The following CELF2 variants were observed in gnomAD, a reference collection of about 807,000 sequenced individuals.
CELF2 encodes the protein CUG triplet repeat RNA-binding protein 2.
A neutral mutation model predicts 62.6 loss-of-function variants in CELF2; 8 were observed. That is an observed-to-expected ratio of 0.13 (90% CI 0.07 to 0.23). The LOEUF (loss-of-function observed/expected upper bound fraction) is 0.23. CELF2 is among the 10% of genes least tolerant of loss of function. The pLI is 1.00. For missense variants in CELF2, 333 were observed against 671.0 expected (o/e 0.50, Z 5.56); for synonymous variants, 258 against 250.0 (o/e 1.03, Z -0.30).
the CELF2 span, among the ~76,000 whole-genome samples, chr10:10,527,847 A>G: frequency 1.3e-5 from 2 of 152,252 alleles, no homozygotes; most frequent in African/African-American, 4.8e-5. Context: ...TGCAATCCTA[A>G]GAGACTGACA....
intron 1 of CELF2, among the ~76,000 whole-genome samples, chr10:10,853,637 A>G (rs2059528006): frequency 6.6e-6 from 1 of 151,668 alleles, no homozygotes; most frequent in African/African-American, 2.4e-5. Context: ...TAAAAGTCCA[A>G]TAGAAAAAAA....
chr10:10,881,885 A>G (rs1305706744), intron 1 of CELF2, among the ~76,000 whole-genome samples: 1 of 152,192 alleles, frequency 6.6e-6, no homozygotes, highest in Non-Finnish European at 1.5e-5. Flanking sequence ...CATCTTCAAT[A>G]TGTTCCATCT....
At chr10:10,656,934 A>T in the CELF2 span, among the ~76,000 whole-genome samples, 65,072 of 149,192 alleles carry the variant, frequency 0.44, 14,644 homozygotes, top group South Asian at 0.71. Flanking sequence ...AAAAAAAAAA[A>T]GAAAACGTGT....
chr10:11,270,590 C>T lies in CELF2; in HGVS notation c.619-76C>T, dbSNP rs1013410427. 6.2e-6 allele frequency: 8 copies of T among 1,283,222 alleles called. No homozygotes were observed. In the Admixed American group the frequency reaches 1.8e-4, roughly 28 times the overall value. 79.5% of individuals were successfully genotyped at this position (1,283,222 alleles called of 1,614,324 possible). On this transcript the variant is annotated intron_variant, in intron 6 of 12. Coordinates refer to ENST00000633077, the MANE Select transcript of CELF2 (RefSeq NM_001326342.2). This position sits in a 1 kb window ranked among gnomAD's most constrained non-coding sequence, Gnocchi z 5.8. ...GCTCCAGGCTAGTGCAGAAAGGTAG[C>T]TCCGGTGCTGAGTGTCGTGAGCGGA...
chr10:11,272,384 C>T (rs2084146859), intron 7 of CELF2, among the ~76,000 whole-genome samples: 1 of 152,228 alleles, frequency 6.6e-6, no homozygotes, highest in Admixed American at 6.5e-5. Context: ...TGTTCAGATG[C>T]TCACAGTCGA....
intron 1 of CELF2, among the ~76,000 whole-genome samples, chr10:10,887,621 T>C (rs1407470226): frequency 6.6e-6 from 1 of 152,224 alleles, no homozygotes; most frequent in Non-Finnish European, 1.5e-5. Flanking sequence ...TTTTAGAATA[T>C]TATGCACACT....
chr10:10,528,230 C>T, the CELF2 span, among the ~76,000 whole-genome samples: 317 of 152,206 alleles, frequency 2.1e-3, 1 homozygote, highest in African/African-American at 7.3e-3. Context: ...ATTCTCCAAG[C>T]TTTCTGGGAG....
At chr10:11,153,365 T>G (rs1440865051) in intron 1 of CELF2, among the ~76,000 whole-genome samples, 1 of 152,160 alleles carries the variant, frequency 6.6e-6, no homozygotes, top group East Asian at 1.9e-4. Context: ...CGTCTGACAT[T>G]TATCTTATAA....
At chr10:10,958,489 C>G (rs1485105006) in intron 2 of CELF2, among the ~76,000 whole-genome samples, 8 of 152,206 alleles carry the variant, frequency 5.3e-5, no homozygotes, top group Non-Finnish European at 1.2e-4. Context: ...CAGAGGGCCT[C>G]TGAGTTGGAA....
At chr10:11,228,114 G>A (rs2067244205) in intron 3 of CELF2, among the ~76,000 whole-genome samples, 2 of 152,198 alleles carry the variant, frequency 1.3e-5, no homozygotes, top group Admixed American at 6.5e-5. Flanking sequence ...TGTCAGAACA[G>A]TAGTCACAGA....
At chr10:10,532,405 G>A in the CELF2 span, among the ~76,000 whole-genome samples, 1 of 152,214 alleles carries the variant, frequency 6.6e-6, no homozygotes, top group East Asian at 1.9e-4. Flanking sequence ...TCTTCTTCAA[G>A]TACATTCCTG....
intron 1 of CELF2, among the ~76,000 whole-genome samples, chr10:10,862,080 A>C (rs981621464): frequency 3.9e-5 from 6 of 152,194 alleles, no homozygotes; most frequent in Admixed American, 6.5e-5. Context: ...CTTCTTTAGA[A>C]ATATTAATGT....
chr10:11,328,888 T>C lies in CELF2; in HGVS notation c.1439-38T>C. The C allele has an allele frequency of 6.3e-7, 1 of 1,588,078 alleles. No homozygotes were observed. The highest frequency in any genetic ancestry group is 1.1e-5 in the South Asian group (1 of 89,192). ...CCCCTTTTCTGTTTTCTGCTGGGCT[T>C]CCTCTCCAGGCTGACTCCCTCTCTC... On this transcript the variant is annotated intron_variant, in intron 12 of 12. Coordinates refer to ENST00000633077, the MANE Select transcript of CELF2 (RefSeq NM_001326342.2). This position sits in a 1 kb window ranked among gnomAD's most constrained non-coding sequence, Gnocchi z 6.4.
rs1308935495 is a variant in CELF2, at chr10:11,197,053, G to GA, written c.272-20369dup. On this transcript the variant is annotated intron_variant, in intron 2 of 12. Transcript: ENST00000633077. ...AGAAAGAAAGAAAGAAAGAAAGAAA[G>GA]AAAGAAAAGAAAGAAAGGAAAGAAA... Among the ~76,000 whole-genome samples the GA allele has an allele frequency of 7.5e-4, 43 of 57,218 alleles. 5 individuals are homozygous for GA. The highest frequency in any genetic ancestry group is 2.7e-3 in the African/African-American group (33 of 12,092). 37.5% of individuals were successfully genotyped at this position (57,218 alleles called of 152,430 possible).
In CELF2 at chr10:11,159,585, G is replaced by T. The variant is rs934886149; in HGVS notation, c.75-5901G>T. ...CAGTGTGGGAAGGAGCTGATGCTGA[G>T]ACCTTAGTTGCCCCACTGCCAGTCT... On this transcript the variant is annotated intron_variant, in intron 1 of 12. Transcript: ENST00000633077. This position sits in a 1 kb window ranked among gnomAD's most constrained non-coding sequence, Gnocchi z 5.0. 6.6e-6 allele frequency among the ~76,000 whole-genome samples: 1 copy of T among 152,190 alleles called. No individual in the cohort carries two copies. Among genetic ancestry groups the T allele is most frequent in the African/African-American group, 2.4e-5 (1 of 41,424 alleles).
At chr10:10,964,635 T>G (rs1484222149) in intron 2 of CELF2, among the ~76,000 whole-genome samples, 1 of 152,194 alleles carries the variant, frequency 6.6e-6, no homozygotes, top group African/African-American at 2.4e-5. Flanking sequence ...CTTTTGATTT[T>G]CTCTTGTACA....
At chr10:10,686,388 A>G in the CELF2 span, among the ~76,000 whole-genome samples, 3 of 151,588 alleles carry the variant, frequency 2.0e-5, no homozygotes, top group African/African-American at 7.3e-5. Flanking sequence ...TTTCCAGTCA[A>G]ACTGGGCAAA....
intron 1 of CELF2, among the ~76,000 whole-genome samples, chr10:11,158,069 A>G (rs570035812): frequency 1.4e-4 from 21 of 152,232 alleles, no homozygotes; most frequent in Non-Finnish European, 2.2e-4. Flanking sequence ...GTTTCCCCCT[A>G]TATTTGTCTT....
At chr10:11,166,955 G>A (rs1162194950) in intron 2 of CELF2, among the ~76,000 whole-genome samples, 2 of 152,256 alleles carry the variant, frequency 1.3e-5, no homozygotes, top group Non-Finnish European at 2.9e-5. Flanking sequence ...ACTCGTTTTA[G>A]AAAGGTGGAC....
Sources: allele counts gnomAD v4.1 joint callset (sites outside exome capture counted in the v4.1 genomes callset), GRCh38; gene constraint gnomAD v4.1.1; non-coding constraint Gnocchi (gnomAD v3.1); transcripts MANE v1.5; gene names NCBI Gene and HGNC (gene_info 2026-07-23, HGNC 2026-07-21).